The following SFMBT2 variants were observed in gnomAD, a reference collection of about 807,000 sequenced individuals.
SFMBT2 encodes scm-like with four MBT domains protein 2.
A neutral mutation model predicts 110.1 loss-of-function variants in SFMBT2; 38 were observed. The observed-to-expected ratio is 0.35, with a 90% CI of 0.27 to 0.45. SFMBT2 has a LOEUF of 0.45. SFMBT2 is among the 20% of genes least tolerant of loss of function. The pLI is 1.00. For missense variants in SFMBT2, 1,011 were observed against 1,094.9 expected, an observed-to-expected ratio of 0.92 and a Z score of 1.08; for synonymous variants, 425 against 425.4, an observed-to-expected ratio of 1.00 and a Z score of 0.01.
At chr10:7,292,105 AC>A (rs1221865195) in intron 4 of SFMBT2, 1 of 154,902 alleles carries the variant, frequency 6.5e-6, no homozygotes, top group Non-Finnish European at 1.4e-5. Flanking sequence ...ATTTTTCCCT[AC>A]CATTTTAATG....
chr10:7,334,704 G>A (rs1269182230), intron 4 of SFMBT2, among the ~76,000 whole-genome samples: 1 of 152,078 alleles, frequency 6.6e-6, no homozygotes, highest in East Asian at 1.9e-4. Flanking sequence ...CGCAGACCCG[G>A]CCCAGTGTCC....
chr10:7,392,983 TTATATATATATA>T (rs760008467), intron 1 of SFMBT2, among the ~76,000 whole-genome samples: 1,412 of 59,896 alleles, frequency 0.024, 25 homozygotes, highest in South Asian at 0.063. Flanking sequence ...TGTGGATAGA[TTATATATATATA>T]TATATATATA....
In SFMBT2 at chr10:7,235,399, G is replaced by A. The variant is rs149322303; in HGVS notation, c.1121-7462C>T. Among the ~76,000 whole-genome samples, 760 of 152,148 alleles carry A rather than the reference G, an allele frequency of 5.0e-3. 2 individuals are homozygous for A. The highest frequency in any genetic ancestry group is 8.7e-3 in the Non-Finnish European group (592 of 68,000). On this transcript the variant is annotated intron_variant, in intron 9 of 20. Transcript: ENST00000397167. Reference sequence around the variant, plus strand: ...TAAGGAAACTAACCAACTTGAGGGAGGGCAGAGAAATGAACTTTAATGCAA... The same window carrying A: ...TAAGGAAACTAACCAACTTGAGGGAAGGCAGAGAAATGAACTTTAATGCAA...
At chr10:7,257,595 C>A (rs889497666) in intron 7 of SFMBT2, among the ~76,000 whole-genome samples, 1 of 152,136 alleles carries the variant, frequency 6.6e-6, no homozygotes, top group African/African-American at 2.4e-5. Flanking sequence ...GTATTACTAA[C>A]AGAGAGACAG....
intron 1 of SFMBT2, among the ~76,000 whole-genome samples, chr10:7,407,440 G>A (rs907875595): frequency 2.6e-5 from 4 of 152,140 alleles, no homozygotes; most frequent in African/African-American, 9.7e-5. Flanking sequence ...ATCCAAGAGG[G>A]GTCGGCCTCG....
chr10:7,294,352 T>C (rs527561914), intron 4 of SFMBT2, among the ~76,000 whole-genome samples: 1 of 152,212 alleles, frequency 6.6e-6, no homozygotes, highest in Non-Finnish European at 1.5e-5. Flanking sequence ...TAATATATGA[T>C]GTTGTAGAAT....
intron 9 of SFMBT2, among the ~76,000 whole-genome samples, chr10:7,233,942 T>A (rs370689802): frequency 1.3e-5 from 2 of 152,244 alleles, no homozygotes; most frequent in African/African-American, 4.8e-5. Context: ...TTTCTCAACA[T>A]TGCCTCCACC....
At chr10:7,389,063 A>G (rs1471425006) in intron 1 of SFMBT2, among the ~76,000 whole-genome samples, 1 of 152,202 alleles carries the variant, frequency 6.6e-6, no homozygotes, top group Non-Finnish European at 1.5e-5. Context: ...ACAAAATGCA[A>G]TCTTTTCACA....
At chr10:7,341,712 GATGAA>G (rs1263563349) in intron 4 of SFMBT2, among the ~76,000 whole-genome samples, 1 of 152,164 alleles carries the variant, frequency 6.6e-6, no homozygotes, top group Non-Finnish European at 1.5e-5. Flanking sequence ...AATATTTACA[GATGAA>G]ATGAAATGAT....
chr10:7,342,308 C>T (rs74116926), intron 4 of SFMBT2, among the ~76,000 whole-genome samples: 2,242 of 150,680 alleles, frequency 0.015, 62 homozygotes, highest in African/African-American at 0.052. Context: ...GCAAATTTGA[C>T]TCGTAAACTG....
At chr10:7,325,964 G>A (rs150326096) in intron 4 of SFMBT2, among the ~76,000 whole-genome samples, 160 of 152,122 alleles carry the variant, frequency 1.1e-3, no homozygotes, top group African/African-American at 3.6e-3. Context: ...GAATATTGTT[G>A]GCATTCTTTT....
At chr10:7,310,286 C>A (rs1308334412) in intron 4 of SFMBT2, among the ~76,000 whole-genome samples, 1 of 152,200 alleles carries the variant, frequency 6.6e-6, no homozygotes, top group Admixed American at 6.5e-5. Flanking sequence ...ATGCCCAAAC[C>A]AGAACAAGGT....
intron 9 of SFMBT2, 114 bp downstream of exon 9, chr10:7,243,444 A>G: frequency 1.4e-6 from 1 of 705,424 alleles, no homozygotes; most frequent in South Asian, 1.9e-5. Flanking sequence ...TATTTCTACT[A>G]CATCTAAACC....
At chr10:7,167,761 T>C (rs1293289998) in intron 20 of SFMBT2, among the ~76,000 whole-genome samples, 1 of 152,200 alleles carries the variant, frequency 6.6e-6, no homozygotes, top group Admixed American at 6.5e-5. Context: ...ACAGGTGAAC[T>C]TGCCTAATGT....
chr10:7,284,337 AT>A, intron 5 of SFMBT2, 187 bp from the exon 6 acceptor site: 1 of 1,398,528 alleles, frequency 7.2e-7, no homozygotes, highest in Non-Finnish European at 9.3e-7. Context: ...CCTCCCACAC[AT>A]CCATGTACCC....
intron 2 of SFMBT2, among the ~76,000 whole-genome samples, chr10:7,377,424 T>G (rs1012208739): frequency 6.6e-6 from 1 of 152,118 alleles, no homozygotes. Flanking sequence ...TCAGGACAAT[T>G]CAAGCACATT....
intron 4 of SFMBT2, among the ~76,000 whole-genome samples, chr10:7,352,730 G>A (rs1715788717): frequency 6.6e-6 from 1 of 152,190 alleles, no homozygotes; most frequent in South Asian, 2.1e-4. Context: ...AGTACACTGG[G>A]GCCGGGCGTG....
Position 7,293,470 on chromosome 10 carries a change from A to G in SFMBT2, c.437-7516T>C, listed in dbSNP as rs1842318964. ...ATGGGCTACAAGAGAAGTAGAACAC[A>G]GAAATGTCCCTGAGGCTTTCTGGCC... is the stretch of plus-strand genomic sequence containing the variant. On this transcript the variant is annotated intron_variant, in intron 4 of 20. Coordinates refer to ENST00000397167, the MANE Select transcript of SFMBT2 (RefSeq NM_001387889.1). This position sits in a 1 kb window ranked among gnomAD's most constrained non-coding sequence, Gnocchi z 4.6. 6.6e-6 allele frequency among the ~76,000 whole-genome samples: 1 copy of G among 152,174 alleles called. No individual in the cohort carries two copies. The highest frequency in any genetic ancestry group is 1.5e-5 in the Non-Finnish European group (1 of 68,028).
intron 1 of SFMBT2, among the ~76,000 whole-genome samples, chr10:7,396,338 C>G (rs542081094): frequency 6.6e-6 from 1 of 152,202 alleles, no homozygotes; most frequent in African/African-American, 2.4e-5. Flanking sequence ...AGGGAGGAAA[C>G]CCCAACGTTA....
Sources: gnomAD v4.1 joint callset for allele counts (sites outside exome capture counted in the v4.1 genomes callset) on GRCh38, gnomAD v4.1.1 for gene constraint, Gnocchi (gnomAD v3.1) non-coding constraint, MANE v1.5 for transcripts, NCBI Gene and HGNC (gene_info 2026-07-23, HGNC 2026-07-21) for gene names.